PILRA: variants seen among roughly 807,000 people sequenced by gnomAD.
PILRA encodes paired immunoglobulin-like type 2 receptor alpha.
In PILRA, 37 loss-of-function variants were observed where a neutral mutation model predicts 33.1. The observed-to-expected ratio is 1.12, with a 90% CI of 0.86 to 1.47. The LOEUF (loss-of-function observed/expected upper bound fraction) is 1.47, where lower values mean the gene tolerates loss of function less well. Among genes scored for constraint, PILRA ranks in the 40% most tolerant of loss-of-function variants. The pLI, the probability that PILRA is intolerant of heterozygous loss-of-function variation, is 0.00. For synonymous variants in PILRA, 146 were observed against 149.9 expected, an observed-to-expected ratio of 0.97 and a Z score of 0.19; for missense variants, 312 against 376.2, an observed-to-expected ratio of 0.83 and a Z score of 1.41.
chr7:100,394,589 A>T (rs1422571183), intron 3 of PILRA, among the ~76,000 whole-genome samples: 1 of 121,012 alleles, frequency 8.3e-6, no homozygotes, highest in East Asian at 2.1e-4. Context: ...GTGAGATTCT[A>T]TCTCAAAAAA....
At chr7:100,389,613 T>G (rs7798226) in intron 2 of PILRA, among the ~76,000 whole-genome samples, 62,690 of 133,410 alleles carry the variant, frequency 0.47, 13,785 homozygotes, top group Middle Eastern at 0.6. Context: ...AAGAAAGGAA[T>G]GAAGGAAAGA....
chr7:100,373,814 G>A (rs1790876870), intron 1 of PILRA, 94 bp downstream of exon 1: 1 of 1,517,418 alleles, frequency 6.6e-7, no homozygotes, highest in Non-Finnish European at 9.1e-7. Context: ...GAGGGCCCAG[G>A]CTCCCACCAC....
At chr7:100,382,093 G>C (rs1028259339) in intron 2 of PILRA, among the ~76,000 whole-genome samples, 4 of 147,192 alleles carry the variant, frequency 2.7e-5, no homozygotes, top group African/African-American at 1.0e-4. Context: ...CGGTCCCATC[G>C]ACCGCCCAAG....
At chr7:100,381,253 G>A (rs1316777836) in intron 2 of PILRA, among the ~76,000 whole-genome samples, 2 of 152,014 alleles carry the variant, frequency 1.3e-5, no homozygotes, top group Non-Finnish European at 2.9e-5. Flanking sequence ...GCGACAGAGC[G>A]AGACTACCGT....
chr7:100,394,214 T>A (rs574989659), intron 3 of PILRA, among the ~76,000 whole-genome samples: 5 of 152,298 alleles, frequency 3.3e-5, no homozygotes, highest in Non-Finnish European at 7.3e-5. Flanking sequence ...GGAGTCTGAA[T>A]AATCTGTAGA....
At chr7:100,384,965 G>A (rs2130197355) in intron 2 of PILRA, among the ~76,000 whole-genome samples, 1 of 152,264 alleles carries the variant, frequency 6.6e-6, no homozygotes, top group East Asian at 1.9e-4. Flanking sequence ...GGGAGATGGT[G>A]TCCCAGAAGC....
intron 2 of PILRA, among the ~76,000 whole-genome samples, chr7:100,383,980 G>A (rs1791190614): frequency 6.6e-6 from 1 of 152,126 alleles, no homozygotes; most frequent in Admixed American, 6.6e-5. Flanking sequence ...TGGTATGGAG[G>A]AAAAAATTAT....
At position 100,386,223 on chromosome 7, in the gene PILRA, T is replaced by G. The variant is rs553676548; in HGVS notation, c.455-3665T>G. Reference sequence around the variant, plus strand: ...ACTGCGTCTGGCCATTTAAAAAAATTTTTTAGCTGCTCTTCGCAGAGCAGG... The same window carrying G: ...ACTGCGTCTGGCCATTTAAAAAAATGTTTTAGCTGCTCTTCGCAGAGCAGG... On this transcript the variant is annotated intron_variant, in intron 2 of 6. Transcript: ENST00000198536. 9.4e-4 allele frequency among the ~76,000 whole-genome samples: 143 copies of G among 152,266 alleles called. 1 individual carries two copies. The highest frequency in any genetic ancestry group is 8.1e-3 in the Admixed American group (124 of 15,294).
chr7:100,382,035 C>A (rs1003998951), intron 2 of PILRA, among the ~76,000 whole-genome samples: 1 of 146,062 alleles, frequency 6.8e-6, no homozygotes, highest in African/African-American at 2.5e-5. Flanking sequence ...TAGGCTCCAG[C>A]GCGGCCCAAG....
chr7:100,396,983 T>TG (rs1201006693), intron 3 of PILRA, among the ~76,000 whole-genome samples: 1 of 151,824 alleles, frequency 6.6e-6, no homozygotes, highest in Non-Finnish European at 1.5e-5. Context: ...TTGTTTGTTT[T>TG]TTTGTTTTTT....
intron 2 of PILRA, among the ~76,000 whole-genome samples, chr7:100,383,556 A>G (rs910020191): frequency 2.0e-5 from 3 of 152,096 alleles, no homozygotes; most frequent in Non-Finnish European, 4.4e-5. Context: ...AGCCAAGGAA[A>G]CAACTCACTT....
At chr7:100,399,751 C>T (rs373483581) in intron 6 of PILRA, 34 bp from the exon 7 acceptor site, 356 of 1,609,386 alleles carry the variant, frequency 2.2e-4, no homozygotes, top group Non-Finnish European at 2.8e-4. Context: ...TCCGTCTCCA[C>T]TGTCTAACCC....
chr7:100,373,267 A>C (rs1790859590), upstream of PILRA, among the ~76,000 whole-genome samples: 1 of 152,156 alleles, frequency 6.6e-6, no homozygotes, highest in South Asian at 2.1e-4. Flanking sequence ...GGCAGAGAGA[A>C]GGATGAGAAG....
chr7:100,379,772 CA>C lies in PILRA; in HGVS notation c.454+5342del, dbSNP rs1280246892. ...CTCCCAGAGTCTACTAAAATGATAG[CA>C]AAGGGAATTTTTTAAGAAAGAAATC... On this transcript the variant is annotated intron_variant, in intron 2 of 6. Transcript: ENST00000198536. Among the ~76,000 whole-genome samples the C allele has an allele frequency of 2.0e-5, 3 of 151,016 alleles. No individual in the cohort carries two copies. In the East Asian group the frequency reaches 5.8e-4, roughly 29 times the overall value.
Position 100,399,595 on chromosome 7 carries a change from C to T in PILRA, c.772C>T (p.Pro258Ser), listed in dbSNP as rs116840681. The T allele has an allele frequency of 3.4e-4, 544 of 1,614,066 alleles. 2 individuals are homozygous for T. The African/African-American group carries it at 6.1e-3, about 18-fold the overall frequency. Residue 258 changes from proline to serine, a missense_variant, in exon 6 of 7, where the codon CCC (proline) becomes TCC (serine). Coordinates refer to ENST00000198536, the MANE Select transcript of PILRA (RefSeq NM_013439.3). ...NIRNEGQNTD[P>S]KLNPKDDGIV... is the part of the protein sequence containing the mutation. ...TTTATTCTTAGGACAAAATACAGAT[C>T]CCAAGCTAAATCCCAAGGTAAGCAA...
chr7:100,397,754 G>T, intron 3 of PILRA, 125 bp from the exon 4 acceptor site: 1 of 966,852 alleles, frequency 1.0e-6, no homozygotes, highest in Non-Finnish European at 1.6e-6. Context: ...GATGGGTTTG[G>T]GTGGAGCAGC....
In PILRA at chr7:100,389,902, ACCCAGAGG is replaced by A; in HGVS notation, c.475_482del (p.Arg159GlnfsTer10). On this transcript the variant is annotated frameshift_variant, in exon 3 of 7. Coordinates refer to ENST00000198536, the MANE Select transcript of PILRA (RefSeq NM_013439.3). LOFTEE classifies it high-confidence loss of function. ...TCTCTCCCCAGCTGTCACGACCACCACCCAGAGGCCCAGCAGCATGACTACCACCTGGA... is the reference window on the plus strand; with the variant it reads ...TCTCTCCCCAGCTGTCACGACCACCACCCAGCAGCATGACTACCACCTGGA... The A allele has an allele frequency of 1.2e-6, 2 of 1,613,764 alleles. No individual in the cohort carries two copies. The highest frequency in any genetic ancestry group is 1.7e-6 in the Non-Finnish European group (2 of 1,179,928).
chr7:100,378,215 G>T (rs576982087), intron 2 of PILRA, among the ~76,000 whole-genome samples: 1 of 152,058 alleles, frequency 6.6e-6, no homozygotes, highest in African/African-American at 2.4e-5. Flanking sequence ...AGCCAGTTGT[G>T]GTAGTGCACA....
intron 2 of PILRA, among the ~76,000 whole-genome samples, chr7:100,380,144 C>T (rs1241014760): frequency 6.6e-6 from 1 of 152,156 alleles, no homozygotes; most frequent in African/African-American, 2.4e-5. Flanking sequence ...GGGAGCACCC[C>T]AGGGATAACT....
Sources: gnomAD v4.1 joint callset for allele counts (sites outside exome capture counted in the v4.1 genomes callset) on GRCh38, gnomAD v4.1.1 for gene constraint, MANE v1.5 for transcripts, NCBI Gene and HGNC (gene_info 2026-07-23, HGNC 2026-07-21) for gene names.